The following TNRC6C variants were observed in gnomAD, a reference collection of about 807,000 sequenced individuals.
The protein encoded by TNRC6C is trinucleotide repeat-containing gene 6C protein.
A neutral mutation model predicts 153.7 loss-of-function variants in TNRC6C; 20 were observed. That is an observed-to-expected ratio of 0.13 (90% CI 0.09 to 0.19). The LOEUF (loss-of-function observed/expected upper bound fraction) is 0.19. Ranked by LOEUF, TNRC6C falls within the 10% of genes least tolerant of loss-of-function variation. The pLI is 1.00. For synonymous variants in TNRC6C, 811 were observed against 841.4 expected, an observed-to-expected ratio of 0.96 and a Z score of 0.63; for missense variants, 1,987 against 2,172.0, an observed-to-expected ratio of 0.91 and a Z score of 1.69.
chr17:78,041,835 A>T (rs1318179574), intron 2 of TNRC6C, among the ~76,000 whole-genome samples: 2 of 152,256 alleles, frequency 1.3e-5, no homozygotes, highest in African/African-American at 4.8e-5. Flanking sequence ...ACTAGTTTTT[A>T]TAATACATAT....
At chr17:77,980,183 A>G (rs2071054889) in intron 1 of TNRC6C, among the ~76,000 whole-genome samples, 1 of 152,242 alleles carries the variant, frequency 6.6e-6, no homozygotes, top group South Asian at 2.1e-4. Flanking sequence ...TGAACTGTGT[A>G]AAACAGTAAA....
At chr17:77,979,280 T>C (rs545682366) in intron 1 of TNRC6C, among the ~76,000 whole-genome samples, 2 of 152,342 alleles carry the variant, frequency 1.3e-5, no homozygotes, top group South Asian at 4.1e-4. Flanking sequence ...TTTTTTAACA[T>C]AAAGACATTT....
At chr17:78,004,508 G>A (rs895582325), upstream of TNRC6C, among the ~76,000 whole-genome samples, 48 of 152,198 alleles carry the variant, frequency 3.2e-4, 2 homozygotes, top group Admixed American at 5.9e-4. Context: ...TTAGTTGCTG[G>A]TGGTGAAGTG....
intron 16 of TNRC6C, among the ~76,000 whole-genome samples, chr17:78,094,472 T>G (rs1040582628): frequency 6.0e-5 from 9 of 150,642 alleles, no homozygotes; most frequent in Non-Finnish European, 1.2e-4. Context: ...AGATTCTCGC[T>G]CTCTTGCCCA....
At chr17:78,094,019 G>A (rs768242898) in intron 16 of TNRC6C, among the ~76,000 whole-genome samples, 4 of 147,980 alleles carry the variant, frequency 2.7e-5, no homozygotes, top group East Asian at 2.0e-4. Context: ...TCACTCTGTC[G>A]CCCAGGATGG....
At chr17:78,006,996 C>T (rs1368032441) in intron 1 of TNRC6C, among the ~76,000 whole-genome samples, 1 of 150,374 alleles carries the variant, frequency 6.7e-6, no homozygotes, top group African/African-American at 2.4e-5. Context: ...CACGCATGGC[C>T]ACACCCAGCT....
chr17:77,962,612 TG>T (rs2070870261), intron 1 of TNRC6C, among the ~76,000 whole-genome samples: 1 of 152,234 alleles, frequency 6.6e-6, no homozygotes. Context: ...GGCGGAGTCC[TG>T]AACAGACTGA....
chr17:78,051,770 T>C (rs2072542368), intron 3 of TNRC6C, among the ~76,000 whole-genome samples: 1 of 152,170 alleles, frequency 6.6e-6, no homozygotes, highest in African/African-American at 2.4e-5. Context: ...GATTCCAAGA[T>C]TTCGTAACCA....
Position 78,083,031 on chromosome 17 carries a change from AT to A in TNRC6C, c.3358-12del. ...ACAGAGATACAACGGCTAATAGTAT[AT>A]TTTATGTTAAACAGGTTCAAGCACA... On this transcript the variant is annotated splice_polypyrimidine_tract_variant and intron_variant, in intron 10 of 19. Coordinates refer to ENST00000301624, the Ensembl canonical transcript of TNRC6C. 1 of 1,613,424 alleles carries A rather than the reference AT, an allele frequency of 6.2e-7. No homozygotes were observed. Among genetic ancestry groups the A allele is most frequent in the African/African-American group, 1.3e-5 (1 of 75,066 alleles).
Position 78,049,781 on chromosome 17 carries a change from G to A in TNRC6C, c.719G>A (p.Ser240Asn), listed in dbSNP as rs1351127616. The stretch of plus-strand genomic sequence containing the variant: ...TCAGTTTCTCAAGTCAGTGGGGGCA[G>A]TGCTGAAGGAATAAGCAATTCTGTG... Residue 240 changes from serine to asparagine, a missense_variant, in exon 3 of 20, where the codon AGT becomes AAT. By Grantham distance (46) the Ser-to-Asn change is conservative. Around this residue, in one of 4 missense-constraint regions of TNRC6C, gnomAD observed 1,052 missense variants for 1,017.0 expected, o/e 1.03. Transcript: ENST00000301624. This position sits in a 1 kb window ranked among gnomAD's most constrained non-coding sequence, Gnocchi z 4.1. 42 of 1,597,120 alleles carry A rather than the reference G, an allele frequency of 2.6e-5. No homozygotes were observed. Among genetic ancestry groups the A allele is most frequent in the Non-Finnish European group, 3.6e-5 (42 of 1,170,342 alleles).
chr17:78,042,149 C>T (rs906254478), intron 2 of TNRC6C, among the ~76,000 whole-genome samples: 1 of 152,142 alleles, frequency 6.6e-6, no homozygotes, highest in Admixed American at 6.5e-5. Flanking sequence ...AAGACAGTTA[C>T]GTTGCTTAGA....
intron 2 of TNRC6C, among the ~76,000 whole-genome samples, chr17:78,038,942 G>A (rs2072236178): frequency 6.6e-6 from 1 of 151,966 alleles, no homozygotes; most frequent in Non-Finnish European, 1.5e-5. Flanking sequence ...GGCGACGCTG[G>A]TGTGCTGTTG....
chr17:77,994,998 C>T (rs1298598680), intron 1 of TNRC6C, among the ~76,000 whole-genome samples: 1 of 152,190 alleles, frequency 6.6e-6, no homozygotes, highest in Admixed American at 6.5e-5. Context: ...GCTCCTCTAT[C>T]AGCCAAGAGA....
chr17:78,042,923 A>G (rs1048553976), intron 2 of TNRC6C, among the ~76,000 whole-genome samples: 1 of 152,156 alleles, frequency 6.6e-6, no homozygotes, highest in Non-Finnish European at 1.5e-5. Context: ...AGTATGCAAT[A>G]CAGTCCCCGG....
At chr17:78,066,760 A>T (rs2072888078) in intron 4 of TNRC6C, 1 of 152,214 alleles carries the variant, frequency 6.6e-6, no homozygotes, top group Admixed American at 6.5e-5. Flanking sequence ...TAAGGCCTCC[A>T]TCCTGCTAGT....
rs746686503 is a variant in TNRC6C at position 78,049,635 on chromosome 17, C to T, written c.573C>T (p.Asn191=). Residue 191 remains asparagine (N), a synonymous_variant, in exon 3 of 20, where the codon AAC becomes AAT. Transcript: ENST00000301624. This position sits in a 1 kb window ranked among gnomAD's most constrained non-coding sequence, Gnocchi z 4.1. Reference sequence around the variant, plus strand: ...GACCAAATAACACTAACCCCATGAACTCTTCACCCAACCCTATCAATGCAA... The same window carrying T: ...GACCAAATAACACTAACCCCATGAATTCTTCACCCAACCCTATCAATGCAA... 5.0e-6 allele frequency: 8 copies of T among 1,614,042 alleles called. No individual in the cohort carries two copies. In the Admixed American group the frequency reaches 1.2e-4, roughly 24 times the overall value.
At chr17:78,050,290 A>G (rs760540682) in exon 3 of TNRC6C, 4 of 1,552,962 alleles carry the variant, frequency 2.6e-6, no homozygotes, top group East Asian at 2.2e-5. Flanking sequence ...CAATGAAGGA[A>G]GCACTGGGAG....
intron 9 of TNRC6C, among the ~76,000 whole-genome samples, chr17:78,078,764 A>C (rs2073126977): frequency 6.6e-6 from 1 of 152,116 alleles, no homozygotes. Flanking sequence ...CAGGAGTTTG[A>C]GACCAGCCAG....
At chr17:77,957,900 C>T (rs1022394269), upstream of TNRC6C, among the ~76,000 whole-genome samples, 2 of 152,222 alleles carry the variant, frequency 1.3e-5, no homozygotes, top group African/African-American at 4.8e-5. Flanking sequence ...CGGGTTCGGC[C>T]CGGACCGAAG....
Sources: gnomAD v4.1 joint callset for allele counts (sites outside exome capture counted in the v4.1 genomes callset) on GRCh38, gnomAD v4.1.1 for gene constraint, gnomAD v4.1.1 regional missense constraint, Gnocchi (gnomAD v3.1) non-coding constraint, MANE v1.5 for transcripts, NCBI Gene and HGNC (gene_info 2026-07-23, HGNC 2026-07-21) for gene names.